The following GRAMD1C variants were observed in gnomAD, a reference collection of about 807,000 sequenced individuals.
GRAMD1C encodes the protein GRAM domain containing 1C, also known as protein Aster-C.
GRAMD1C carries 89 observed loss-of-function variants against 97.8 expected under a neutral mutation model. The ratio of observed to expected loss-of-function variants is 0.91; its 90% CI spans 0.77 to 1.09. The LOEUF (loss-of-function observed/expected upper bound fraction) is 1.09. Ranked by LOEUF, GRAMD1C falls within the 50% of genes least tolerant of loss-of-function variation. The pLI, the probability that GRAMD1C is intolerant of heterozygous loss-of-function variation, is 0.00. For missense variants in GRAMD1C, 740 were observed against 766.4 expected (o/e 0.97, Z 0.41); for synonymous variants, 256 against 267.0 (o/e 0.96, Z 0.40).
chr3:113,853,591 A>G lies in GRAMD1C; in HGVS notation c.174+8942A>G, dbSNP rs780714772. Among the ~76,000 whole-genome samples the G allele has an allele frequency of 5.9e-5, 9 of 152,174 alleles. 1 individual carries two copies. The highest frequency in any genetic ancestry group is 1.2e-4 in the Non-Finnish European group (8 of 68,034). On this transcript the variant is annotated intron_variant, in intron 2 of 17. Coordinates refer to ENST00000358160, the MANE Select transcript of GRAMD1C (RefSeq NM_017577.5). ...GTAGATATACATGAATTAAGAAAGG[A>G]ATGGTCTTATTTATTCATTTATTAG... is the stretch of plus-strand genomic sequence containing the variant.
At chr3:113,912,083 G>C (rs1936623306) in intron 9 of GRAMD1C, among the ~76,000 whole-genome samples, 1 of 152,114 alleles carries the variant, frequency 6.6e-6, no homozygotes, top group Non-Finnish European at 1.5e-5. Context: ...CACACCAGGA[G>C]TTAGGGCTTT....
chr3:113,894,289 T>C (rs1287258951), intron 6 of GRAMD1C, among the ~76,000 whole-genome samples: 1 of 152,156 alleles, frequency 6.6e-6, no homozygotes. Flanking sequence ...TACTGTTGTT[T>C]TTTTTTTGAA....
upstream of GRAMD1C, among the ~76,000 whole-genome samples, chr3:113,834,629 T>A (rs1709608306): frequency 6.6e-6 from 1 of 152,068 alleles, no homozygotes; most frequent in African/African-American, 2.4e-5. Flanking sequence ...AAACTGAGGA[T>A]CTTTTATATT....
intron 3 of GRAMD1C, among the ~76,000 whole-genome samples, chr3:113,873,987 C>T (rs1028632643): frequency 1.3e-5 from 2 of 152,172 alleles, no homozygotes; most frequent in African/African-American, 4.8e-5. Context: ...GTAACCTAAC[C>T]TGCTTAATTA....
chr3:113,833,560 A>G (rs1709590924), intron 1 of GRAMD1C, among the ~76,000 whole-genome samples: 1 of 152,154 alleles, frequency 6.6e-6, no homozygotes, highest in Non-Finnish European at 1.5e-5. Context: ...CAAGTCCTTG[A>G]GCCTTCAGGG....
chr3:113,868,402 T>C (rs766828057), intron 2 of GRAMD1C, among the ~76,000 whole-genome samples: 25 of 152,192 alleles, frequency 1.6e-4, no homozygotes, highest in Non-Finnish European at 2.6e-4. Flanking sequence ...TTAGATAATA[T>C]ATTGCAGCAT....
chr3:113,904,118 T>G, intron 7 of GRAMD1C, 22 bp from the exon 8 acceptor site: 6 of 1,594,912 alleles, frequency 3.8e-6, no homozygotes, highest in Non-Finnish European at 5.2e-6. Context: ...CTTATATTTC[T>G]ATAATGATGT....
Position 113,838,863 on chromosome 3 carries a change from C to A in GRAMD1C, c.-47C>A, listed in dbSNP as rs369366144. On this transcript the variant is annotated 5_prime_UTR_variant, in exon 1 of 18. Transcript: ENST00000358160. ...CGCTGGAGGTGGGCGCGGGGCGGTG[C>A]GGTGCGGTGCGCGCGGGGCGGTGCC... The A allele has an allele frequency of 8.2e-7, 1 of 1,217,000 alleles. No homozygotes were observed. Among genetic ancestry groups the A allele is most frequent in the Non-Finnish European group, 1.0e-6 (1 of 974,546 alleles). 75.4% of individuals were successfully genotyped at this position (1,217,000 alleles called of 1,614,324 possible).
chr3:113,892,165 C>A (rs1261995454), intron 6 of GRAMD1C, among the ~76,000 whole-genome samples: 1 of 151,934 alleles, frequency 6.6e-6, no homozygotes, highest in Non-Finnish European at 1.5e-5. Flanking sequence ...AAAGAATCAT[C>A]TTTTTCTCTT....
At chr3:113,887,092 T>TG (rs1935529503) in intron 6 of GRAMD1C, among the ~76,000 whole-genome samples, 1 of 113,258 alleles carries the variant, frequency 8.8e-6, no homozygotes. Context: ...TTTGTTTTTT[T>TG]TTTGTTTTTT....
chr3:113,915,625 C>A, intron 9 of GRAMD1C, 76 bp from the exon 10 acceptor site: 2 of 1,161,600 alleles, frequency 1.7e-6, no homozygotes, highest in Admixed American at 2.4e-5. Context: ...AAAGAAAACC[C>A]CACGAAACCC....
chr3:113,911,201 A>G (rs1163148009), intron 9 of GRAMD1C, among the ~76,000 whole-genome samples: 1 of 23,132 alleles, frequency 4.3e-5, no homozygotes, highest in African/African-American at 1.3e-4. Context: ...CACACGAGAG[A>G]GAGAGAGAGC....
At chr3:113,856,987 T>A (rs1934157704) in intron 2 of GRAMD1C, among the ~76,000 whole-genome samples, 1 of 151,926 alleles carries the variant, frequency 6.6e-6, no homozygotes, top group Non-Finnish European at 1.5e-5. Flanking sequence ...TACAGGCATA[T>A]GCTACTAGAC....
intron 1 of GRAMD1C, among the ~76,000 whole-genome samples, chr3:113,843,618 A>G (rs1226183350): frequency 1.3e-5 from 2 of 151,368 alleles, no homozygotes; most frequent in East Asian, 2.0e-4. Context: ...AGCTGGGACT[A>G]CAGGCCACCA....
intron 7 of GRAMD1C, 97 bp from the exon 8 acceptor site, chr3:113,904,043 A>C: frequency 1.2e-6 from 1 of 814,506 alleles, no homozygotes; most frequent in South Asian, 1.9e-5. Context: ...TTTATTATCA[A>C]ACTGTTTTAT....
At chr3:113,841,788 C>T (rs1246559114) in intron 1 of GRAMD1C, among the ~76,000 whole-genome samples, 1 of 152,142 alleles carries the variant, frequency 6.6e-6, no homozygotes, top group Non-Finnish European at 1.5e-5. Flanking sequence ...ATCTCCAACT[C>T]TTGGACTCTG....
chr3:113,862,142 C>T (rs563791395), intron 2 of GRAMD1C, among the ~76,000 whole-genome samples: 4 of 152,296 alleles, frequency 2.6e-5, no homozygotes, highest in South Asian at 2.1e-4. Context: ...AAGTTTCAGG[C>T]ACACATTGTC....
In GRAMD1C at chr3:113,945,456, C is replaced by A. The variant is rs1938023797; in HGVS notation, c.1967C>A (p.Thr656Asn). 1.3e-6 allele frequency: 2 copies of A among 1,589,866 alleles called. No individual in the cohort carries two copies. The highest frequency in any genetic ancestry group is 1.3e-5 in the African/African-American group (1 of 74,408). The stretch of plus-strand genomic sequence containing the variant: ...TTTGATCTACTAAATAAGAATAAGA[C>A]TGGCATGGCTGTTGAAAGCTAGTGA... ...KTFDLLNKNK[T>N]GMAVES Residue 656 changes from threonine (T) to asparagine (N), a missense_variant, in exon 18 of 18, where the codon ACT becomes AAT. Transcript: ENST00000358160.
chr3:113,902,478 C>T (rs1273771181), intron 7 of GRAMD1C, among the ~76,000 whole-genome samples: 1 of 152,126 alleles, frequency 6.6e-6, no homozygotes, highest in Non-Finnish European at 1.5e-5. Context: ...AGCCGAGCAA[C>T]CTCAGGCAAA....
Sources: gnomAD v4.1 joint callset for allele counts (sites outside exome capture counted in the v4.1 genomes callset) on GRCh38, gnomAD v4.1.1 for gene constraint, MANE v1.5 for transcripts, NCBI Gene and HGNC (gene_info 2026-07-23, HGNC 2026-07-21) for gene names.